Variants in MLXIP observed in about 807,000 individuals in gnomAD.
The protein encoded by MLXIP is MLX-interacting protein.
A neutral mutation model predicts 87.2 loss-of-function variants in MLXIP; 30 were observed. That is an observed-to-expected ratio of 0.34 (90% CI 0.26 to 0.47). The LOEUF (loss-of-function observed/expected upper bound fraction) is 0.47. MLXIP is among the 20% of genes least tolerant of loss of function. The pLI is 1.00. For missense variants in MLXIP, 1,002 were observed against 1,240.1 expected (o/e 0.81, Z 2.88); for synonymous variants, 530 against 514.0 (o/e 1.03, Z -0.42).
rs533003780 is a variant in MLXIP, at chr12:122,087,446, G to A, written c.413+8180G>A. 5.0e-3 allele frequency among the ~76,000 whole-genome samples: 761 copies of A among 152,278 alleles called. 5 individuals carry two copies. Among genetic ancestry groups the A allele is most frequent in the Non-Finnish European group, 7.4e-3 (500 of 68,016 alleles). On this transcript the variant is annotated intron_variant, in intron 1 of 16. Coordinates refer to ENST00000319080, the MANE Select transcript of MLXIP (RefSeq NM_014938.6). ...CTGGGTAGAGAAGTCCTCTGGGGGA[G>A]GTGACCTTTCTGGGTGAACTCTGAA...
intron 1 of MLXIP, among the ~76,000 whole-genome samples, chr12:122,116,730 C>T (rs569069155): frequency 7.9e-5 from 12 of 152,330 alleles, no homozygotes; most frequent in African/African-American, 2.9e-4. Flanking sequence ...CTCACCATGC[C>T]CAGCATTGAC....
At chr12:122,107,250 A>T (rs538821819) in intron 1 of MLXIP, among the ~76,000 whole-genome samples, 10 of 151,832 alleles carry the variant, frequency 6.6e-5, no homozygotes, top group Non-Finnish European at 1.2e-4. Context: ...TGAAACCCCC[A>T]GCTGCAATTC....
At chr12:122,121,359 A>T (rs1294789709) in intron 1 of MLXIP, among the ~76,000 whole-genome samples, 1 of 126,394 alleles carries the variant, frequency 7.9e-6, no homozygotes, top group Non-Finnish European at 1.6e-5. Flanking sequence ...TCTGCTGCCC[A>T]GGCTGGAGTG....
intron 1 of MLXIP, among the ~76,000 whole-genome samples, chr12:122,089,259 A>T (rs1952212588): frequency 6.6e-6 from 1 of 152,226 alleles, no homozygotes; most frequent in East Asian, 1.9e-4. Context: ...CAGCCCGTTC[A>T]CAATGGGCTG....
chr12:122,135,139 C>T lies in MLXIP; in HGVS notation c.1733-85C>T. ...TCCCCTGGGGTTGAGAACAAGCTGT[C>T]TCACTGGCAGAGAGGCAGCCTCTGC... On this transcript the variant is annotated intron_variant, in intron 9 of 16. Coordinates refer to ENST00000319080, the MANE Select transcript of MLXIP (RefSeq NM_014938.6). The surrounding 1 kb of genome is among the most constrained non-coding windows in gnomAD (Gnocchi z 5.3). The T allele has an allele frequency of 6.5e-7, 1 of 1,538,578 alleles. No homozygotes were observed. Among genetic ancestry groups the T allele is most frequent in the South Asian group, 1.2e-5 (1 of 84,920 alleles).
chr12:122,112,501 G>A (rs966336968), intron 1 of MLXIP, among the ~76,000 whole-genome samples: 3 of 152,038 alleles, frequency 2.0e-5, no homozygotes, highest in African/African-American at 7.2e-5. Context: ...AAAAATAGCC[G>A]GACGTGGTGG....
chr12:122,109,712 G>A (rs1209309079), intron 1 of MLXIP, among the ~76,000 whole-genome samples: 1 of 152,212 alleles, frequency 6.6e-6, no homozygotes, highest in Non-Finnish European at 1.5e-5. Flanking sequence ...TTGCTACTTG[G>A]AAGGTTAATA....
chr12:122,103,204 T>C (rs1952464377), intron 1 of MLXIP, among the ~76,000 whole-genome samples: 1 of 13,134 alleles, frequency 7.6e-5, no homozygotes, highest in Non-Finnish European at 1.5e-4. Flanking sequence ...TGTATGTATT[T>C]ATTTATTTAT....
chr12:122,108,885 G>A (rs910099399), intron 1 of MLXIP, among the ~76,000 whole-genome samples: 1 of 152,256 alleles, frequency 6.6e-6, no homozygotes, highest in African/African-American at 2.4e-5. Context: ...TCAAGCAGGG[G>A]TAAATGAAAG....
At chr12:122,141,543 G>A (rs573100297) in intron 16 of MLXIP, 148 bp from the exon 17 acceptor site, 122 of 1,279,698 alleles carry the variant, frequency 9.5e-5, no homozygotes, top group African/African-American at 7.7e-4. Context: ...TCTCGGTGTC[G>A]GCCCCTGGCA....
intron 1 of MLXIP, among the ~76,000 whole-genome samples, chr12:122,099,034 G>A (rs1366775215): frequency 6.6e-6 from 1 of 152,202 alleles, no homozygotes; most frequent in Non-Finnish European, 1.5e-5. Context: ...GCCCAGGAGT[G>A]TAAGACCAGC....
rs9668459 is a variant in MLXIP at position 122,142,153 on chromosome 12, G to C, written c.*341G>C. 4.6e-4 allele frequency: 324 copies of C among 701,312 alleles called. 1 individual carries two copies. The African/African-American group carries it at 5.3e-3, about 12-fold the overall frequency. 43.4% of individuals were successfully genotyped at this position (701,312 alleles called of 1,614,324 possible). ...CCTGCCGGGCCTGGCGCCGGTGAGC[G>C]GAATCGATGGGATGAGGGTGACAGG... On this transcript the variant is annotated 3_prime_UTR_variant, in exon 17 of 17. Transcript: ENST00000319080.
intron 1 of MLXIP, among the ~76,000 whole-genome samples, chr12:122,088,265 G>A (rs565634957): frequency 6.6e-6 from 1 of 152,156 alleles, no homozygotes; most frequent in Non-Finnish European, 1.5e-5. Flanking sequence ...CATCTCCTGC[G>A]GGCTGTTTCT....
At chr12:122,115,037 G>T (rs1011981154) in intron 1 of MLXIP, among the ~76,000 whole-genome samples, 2 of 151,632 alleles carry the variant, frequency 1.3e-5, no homozygotes. Flanking sequence ...GTGAGCCACC[G>T]CACCCAGCCA....
intron 1 of MLXIP, among the ~76,000 whole-genome samples, chr12:122,081,507 G>T (rs1952090383): frequency 6.6e-6 from 1 of 152,148 alleles, no homozygotes; most frequent in Non-Finnish European, 1.5e-5. Flanking sequence ...CTGCTACCTG[G>T]CTTTCAGGGA....
At chr12:122,079,314 T>C in intron 1 of MLXIP, 48 bp downstream of exon 1, 2 of 1,517,424 alleles carry the variant, frequency 1.3e-6, no homozygotes, top group South Asian at 2.4e-5. Context: ...GGCCCTTGTT[T>C]GACAAAACAA....
chr12:122,127,478 T>A, intron 2 of MLXIP, 116 bp downstream of exon 2: 1 of 745,026 alleles, frequency 1.3e-6, no homozygotes. Context: ...AGAAGTTCAG[T>A]CTGTGCAGAC....
chr12:122,094,365 G>C (rs1474756794), intron 1 of MLXIP, among the ~76,000 whole-genome samples: 1 of 143,262 alleles, frequency 7.0e-6, no homozygotes, highest in African/African-American at 2.6e-5. Flanking sequence ...TTTGCGGTGG[G>C]TGTATGTTTG....
rs1953066511 is a variant in MLXIP, at chr12:122,135,286, A to G, written c.1795A>G (p.Met599Val). 11 of 1,613,596 alleles carry G rather than the reference A, an allele frequency of 6.8e-6. No individual in the cohort carries two copies. Among genetic ancestry groups the G allele is most frequent in the Non-Finnish European group, 9.3e-6 (11 of 1,179,852 alleles). Residue 599 changes from methionine to valine, a missense_variant, in exon 10 of 17, where the codon ATG (methionine) becomes GTG (valine). Coordinates refer to ENST00000319080, the MANE Select transcript of MLXIP (RefSeq NM_014938.6). The surrounding 1 kb of genome is among the most constrained non-coding windows in gnomAD (Gnocchi z 5.3). The stretch of plus-strand genomic sequence containing the variant: ...GTCAGGGCCTCTGAAGAGAGAAGGG[A>G]TGTTGGCCTCCACCGTGTCCCAGTC... Reference protein sequence around the residue: ...MTSGPLKREGMLASTVSQSNV... With the variant: ...MTSGPLKREGVLASTVSQSNV...
Sources: gnomAD v4.1 joint callset for allele counts (sites outside exome capture counted in the v4.1 genomes callset) on GRCh38, gnomAD v4.1.1 for gene constraint, Gnocchi (gnomAD v3.1) non-coding constraint, MANE v1.5 for transcripts, NCBI Gene and HGNC (gene_info 2026-07-23, HGNC 2026-07-21) for gene names.